TYR: variants seen among roughly 807,000 people sequenced by gnomAD.
TYR encodes the protein tyrosinase, also known as LB24-AB.
Under a neutral mutation model 51.5 loss-of-function variants are expected in TYR, and 58 were observed. The ratio of observed to expected loss-of-function variants is 1.13; its 90% CI spans 0.91 to 1.40. The LOEUF is 1.40. Ranked by LOEUF, TYR falls within the 40% of genes most tolerant of loss-of-function variation. TYR has a pLI of 0.00. For missense variants in TYR, 732 were observed against 647.4 expected, an observed-to-expected ratio of 1.13 and a Z score of -1.42; for synonymous variants, 263 against 235.2, an observed-to-expected ratio of 1.12 and a Z score of -1.08.
intron 2 of TYR, among the ~76,000 whole-genome samples, chr11:89,212,491 C>T (rs149574227): frequency 2.0e-5 from 3 of 152,060 alleles, no homozygotes; most frequent in African/African-American, 7.2e-5. Flanking sequence ...GATTCACAGC[C>T]GAATTCCACC....
At chr11:89,194,152 T>C (rs1010447950) in intron 2 of TYR, among the ~76,000 whole-genome samples, 2 of 152,218 alleles carry the variant, frequency 1.3e-5, no homozygotes, top group Admixed American at 6.5e-5. Context: ...TTCATGGTTC[T>C]TTAGTCTGAA....
chr11:89,262,847 CAAAAA>C (rs771958187), intron 3 of TYR, among the ~76,000 whole-genome samples: 2 of 19,304 alleles, frequency 1.0e-4, no homozygotes, highest in African/African-American at 3.0e-4. Flanking sequence ...GCTACTCATC[CAAAAA>C]AAAAAAAAAA....
At chr11:89,236,024 GT>G (rs1336813882) in intron 3 of TYR, among the ~76,000 whole-genome samples, 1 of 151,896 alleles carries the variant, frequency 6.6e-6, no homozygotes, top group Non-Finnish European at 1.5e-5. Context: ...TTTCCCACTT[GT>G]TTTTATAAAT....
In TYR at chr11:89,227,973, T is replaced by C; in HGVS notation, c.1184+3T>C. 1 of 1,613,172 alleles carries C rather than the reference T, an allele frequency of 6.2e-7. No individual in the cohort carries two copies. Among genetic ancestry groups the C allele is most frequent in the Non-Finnish European group, 8.5e-7 (1 of 1,179,512 alleles). ...CTTCACCATGCATTTGTTGACAGGTTGGTTAATATTTCTTTATAAATAACG... is the reference window on the plus strand; with the variant it reads ...CTTCACCATGCATTTGTTGACAGGTCGGTTAATATTTCTTTATAAATAACG... On this transcript the variant is annotated splice_donor_region_variant and intron_variant, in intron 3 of 4. Coordinates refer to ENST00000263321, the MANE Select transcript of TYR (RefSeq NM_000372.5).
intron 3 of TYR, among the ~76,000 whole-genome samples, chr11:89,251,675 G>A (rs1381882064): frequency 4.6e-5 from 7 of 151,840 alleles, no homozygotes; most frequent in Admixed American, 4.0e-4. Flanking sequence ...AAGAGAAAAA[G>A]AAGCAGCACA....
At chr11:89,208,922 C>T (rs993282995) in intron 2 of TYR, among the ~76,000 whole-genome samples, 1 of 152,096 alleles carries the variant, frequency 6.6e-6, no homozygotes, top group Non-Finnish European at 1.5e-5. Flanking sequence ...AAAGGTAAGA[C>T]CTTTTGCTCA....
chr11:89,210,365 T>C (rs1565398941), intron 2 of TYR, among the ~76,000 whole-genome samples: 1 of 151,294 alleles, frequency 6.6e-6, no homozygotes, highest in Admixed American at 6.6e-5. Flanking sequence ...GAAGAAAGGA[T>C]TGAAGATCAA....
At chr11:89,277,526 G>A (rs1944669905) in intron 3 of TYR, among the ~76,000 whole-genome samples, 2 of 151,674 alleles carry the variant, frequency 1.3e-5, no homozygotes, top group African/African-American at 4.8e-5. Context: ...TGTTTCCAAA[G>A]TTAATCTTAC....
chr11:89,223,743 A>G (rs1233843961), intron 2 of TYR, among the ~76,000 whole-genome samples: 4 of 152,172 alleles, frequency 2.6e-5, no homozygotes, highest in East Asian at 1.9e-4. Flanking sequence ...TGAAGAGACA[A>G]TATATACATT....
At chr11:89,194,705 T>C (rs1392012960) in intron 2 of TYR, among the ~76,000 whole-genome samples, 1 of 152,108 alleles carries the variant, frequency 6.6e-6, no homozygotes, top group Non-Finnish European at 1.5e-5. Context: ...ATTAATGGTA[T>C]GGAGTAAAGG....
At chr11:89,180,235 TTA>T (rs1030142071) in intron 1 of TYR, among the ~76,000 whole-genome samples, 3 of 152,216 alleles carry the variant, frequency 2.0e-5, no homozygotes, top group Non-Finnish European at 2.9e-5. Context: ...CATCTAGCTC[TTA>T]TATCCTCTGT....
chr11:89,183,222 T>C (rs1331889109), intron 1 of TYR, among the ~76,000 whole-genome samples: 1 of 152,094 alleles, frequency 6.6e-6, no homozygotes, highest in Non-Finnish European at 1.5e-5. Flanking sequence ...CATTAATATA[T>C]CTATTTCTTC....
intron 3 of TYR, among the ~76,000 whole-genome samples, chr11:89,231,127 T>C (rs1235815746): frequency 1.5e-5 from 2 of 135,902 alleles, no homozygotes; most frequent in Non-Finnish European, 3.0e-5. Context: ...GCCAAGATCA[T>C]GCCATTGCAC....
At chr11:89,266,220 T>C (rs1231897714) in intron 3 of TYR, among the ~76,000 whole-genome samples, 1 of 151,986 alleles carries the variant, frequency 6.6e-6, no homozygotes, top group Non-Finnish European at 1.5e-5. Context: ...ATGATATTAG[T>C]GTTATTCTTG....
At chr11:89,290,772 G>A (rs1479153889) in intron 4 of TYR, among the ~76,000 whole-genome samples, 1 of 151,964 alleles carries the variant, frequency 6.6e-6, no homozygotes, top group African/African-American at 2.4e-5. Context: ...ACATAGCCAT[G>A]ACTTGCTGCA....
intron 3 of TYR, among the ~76,000 whole-genome samples, chr11:89,268,731 C>A (rs1204448742): frequency 1.3e-5 from 2 of 151,940 alleles, no homozygotes; most frequent in East Asian, 1.9e-4. Context: ...CAAGCCCAGA[C>A]TCCCCACCCT....
chr11:89,197,375 A>G (rs986957493), intron 2 of TYR, among the ~76,000 whole-genome samples: 1 of 152,194 alleles, frequency 6.6e-6, no homozygotes, highest in Admixed American at 6.6e-5. Context: ...TTATTCTAAG[A>G]TTCTTTCAAA....
chr11:89,220,262 C>A (rs1261805435), intron 2 of TYR, among the ~76,000 whole-genome samples: 1 of 152,168 alleles, frequency 6.6e-6, no homozygotes, highest in Non-Finnish European at 1.5e-5. Context: ...AGGCAGAGAG[C>A]ACGCACATTA....
Position 89,178,715 on chromosome 11 carries a change from T to A in TYR, c.762T>A (p.Gly254=). Residue 254 remains glycine (G), a synonymous_variant, in exon 1 of 5, where the codon GGT becomes GGA. Transcript: ENST00000263321. The part of the protein sequence containing the change: ...CDICTDEYMG[G]QHPTNPNLLS... ...TTTGCACAGATGAGTACATGGGAGG[T>A]CAGCACCCCACAAATCCTAACTTAC... is the stretch of plus-strand genomic sequence containing the variant. 6.2e-7 allele frequency: 1 copy of A among 1,613,728 alleles called. No individual in the cohort carries two copies. The highest frequency in any genetic ancestry group is 8.5e-7 in the Non-Finnish European group (1 of 1,179,940).
Sources: allele counts gnomAD v4.1 joint callset (sites outside exome capture counted in the v4.1 genomes callset), GRCh38; gene constraint gnomAD v4.1.1; transcripts MANE v1.5; gene names NCBI Gene and HGNC (gene_info 2026-07-23, HGNC 2026-07-21).